The following ADAMTSL1 variants were observed in gnomAD, a reference collection of about 807,000 sequenced individuals.
The protein encoded by ADAMTSL1 is ADAMTS-like protein 1.
ADAMTSL1 carries 126 observed loss-of-function variants against 201.8 expected under a neutral mutation model. The observed-to-expected ratio is 0.62, with a 90% CI of 0.54 to 0.72. ADAMTSL1 has a LOEUF of 0.72. Ranked by LOEUF, ADAMTSL1 falls within the 30% of genes least tolerant of loss-of-function variation. The pLI, the probability that ADAMTSL1 is intolerant of heterozygous loss-of-function variation, is 0.00. For missense variants in ADAMTSL1, 2,679 were observed against 2,277.8 expected, an observed-to-expected ratio of 1.18 and a Z score of -3.59; for synonymous variants, 1,121 against 903.4, an observed-to-expected ratio of 1.24 and a Z score of -4.32.
At chr9:18,129,003 A>T (rs1825847315) in intron 1 of ADAMTSL1, among the ~76,000 whole-genome samples, 1 of 152,242 alleles carries the variant, frequency 6.6e-6, no homozygotes, top group South Asian at 2.1e-4. Context: ...AGACTGTAAT[A>T]CATTAAAATT....
intron 3 of ADAMTSL1, among the ~76,000 whole-genome samples, 154 bp downstream of exon 3, chr9:18,533,446 T>C (rs796513740): frequency 1.3e-5 from 2 of 152,196 alleles, no homozygotes; most frequent in African/African-American, 4.8e-5. Flanking sequence ...ACTAAAATGA[T>C]ATTTTTAAGT....
At chr9:18,092,572 T>C (rs187582383) in intron 1 of ADAMTSL1, among the ~76,000 whole-genome samples, 8 of 152,246 alleles carry the variant, frequency 5.3e-5, no homozygotes, top group Non-Finnish European at 8.8e-5. Flanking sequence ...AGGAATAAGC[T>C]CTTGTGCCTG....
At chr9:18,717,457 G>A (rs1833021932) in intron 14 of ADAMTSL1, among the ~76,000 whole-genome samples, 1 of 151,860 alleles carries the variant, frequency 6.6e-6, no homozygotes, top group African/African-American at 2.4e-5. Context: ...ATTAATTAGA[G>A]CACTTATTTT....
In ADAMTSL1 at chr9:18,354,231, A is replaced by T. The variant is rs186416353; in HGVS notation, c.208-150598A>T. 9.1e-4 allele frequency among the ~76,000 whole-genome samples: 138 copies of T among 151,944 alleles called. 1 individual carries two copies. The highest frequency in any genetic ancestry group is 2.7e-3 in the African/African-American group (114 of 41,506). Reference sequence around the variant, plus strand: ...GTGCTCCCTTGTATAAATGTACCATAATTTAATTAACTAGTCATTTATTGA... The same window carrying T: ...GTGCTCCCTTGTATAAATGTACCATTATTTAATTAACTAGTCATTTATTGA... On this transcript the variant is annotated intron_variant, in intron 2 of 29. Coordinates refer to the ADAMTSL1 transcript ENST00000680146.
chr9:18,525,659 G>A (rs1818991128), intron 2 of ADAMTSL1, among the ~76,000 whole-genome samples: 2 of 152,108 alleles, frequency 1.3e-5, no homozygotes, highest in Admixed American at 1.3e-4. Context: ...GTTCTCACTG[G>A]TTTCAAAGAA....
intron 14 of ADAMTSL1, among the ~76,000 whole-genome samples, chr9:18,719,027 C>G (rs111376215): frequency 0.014 from 2,191 of 152,258 alleles, 15 homozygotes; most frequent in Middle Eastern, 0.031. Context: ...TCATCACTAC[C>G]TTAATAATAC....
chr9:18,908,387 C>G (rs1235521707), intron 28 of ADAMTSL1, 55 bp from the exon 29 acceptor site: 3 of 1,445,554 alleles, frequency 2.1e-6, no homozygotes, highest in Non-Finnish European at 2.8e-6. Flanking sequence ...GTTCATTAGT[C>G]TCTGTTTCAC....
In ADAMTSL1 at chr9:18,556,791, C is replaced by G. The variant is rs374899895; in HGVS notation, c.238-17239C>G. 3.3e-5 allele frequency among the ~76,000 whole-genome samples: 5 copies of G among 152,036 alleles called. No individual in the cohort carries two copies. The East Asian group carries it at 7.7e-4, about 24-fold the overall frequency. ...GTTTGATTAGACTCATATGTTAAGC[C>G]ATTCATATGTCACTTTAATTAAAAT... On this transcript the variant is annotated intron_variant, in intron 3 of 28. Transcript: ENST00000380548.
chr9:18,613,640 C>T (rs989867487), intron 4 of ADAMTSL1, among the ~76,000 whole-genome samples: 2 of 151,976 alleles, frequency 1.3e-5, no homozygotes, highest in Non-Finnish European at 2.9e-5. Context: ...CAAACAAAAA[C>T]AAATACTGCA....
intron 2 of ADAMTSL1, among the ~76,000 whole-genome samples, chr9:18,208,758 C>A (rs1276388906): frequency 6.6e-6 from 1 of 152,074 alleles, no homozygotes; most frequent in East Asian, 1.9e-4. Flanking sequence ...AAGAAAATAT[C>A]ATAATAATAT....
intron 1 of ADAMTSL1, among the ~76,000 whole-genome samples, chr9:18,055,628 G>A (rs1210548315): frequency 6.6e-6 from 1 of 152,236 alleles, no homozygotes; most frequent in East Asian, 1.9e-4. Context: ...ACCACGAGGA[G>A]TCGTAAGCAC....
At chr9:18,723,189 C>G in intron 15 of ADAMTSL1, 1 of 701,382 alleles carries the variant, frequency 1.4e-6, no homozygotes, top group Non-Finnish European at 2.6e-6. Context: ...ATCTGAGATC[C>G]CATGACTTGC....
chr9:18,009,433 G>A (rs1347109549), intron 1 of ADAMTSL1, among the ~76,000 whole-genome samples: 1 of 152,032 alleles, frequency 6.6e-6, no homozygotes, highest in Non-Finnish European at 1.5e-5. Flanking sequence ...TAAGTCTCCT[G>A]TCTTATTCAC....
chr9:18,748,676 A>T (rs1356625395), intron 15 of ADAMTSL1, among the ~76,000 whole-genome samples: 1 of 152,216 alleles, frequency 6.6e-6, no homozygotes, highest in Non-Finnish European at 1.5e-5. Flanking sequence ...AGAAGTGCAC[A>T]CACAGTTCAC....
intron 2 of ADAMTSL1, among the ~76,000 whole-genome samples, chr9:18,310,547 A>G (rs946995394): frequency 6.6e-6 from 1 of 152,114 alleles, no homozygotes; most frequent in Non-Finnish European, 1.5e-5. Context: ...GGCAAAGGAT[A>G]TGAACAGACA....
At chr9:18,838,992 G>T (rs1416255916) in intron 23 of ADAMTSL1, among the ~76,000 whole-genome samples, 2 of 148,716 alleles carry the variant, frequency 1.3e-5, no homozygotes, top group Non-Finnish European at 3.0e-5. Context: ...CATACATTTG[G>T]CCCACCCCCT....
intron 15 of ADAMTSL1, among the ~76,000 whole-genome samples, chr9:18,748,173 T>C (rs1819253457): frequency 2.0e-5 from 3 of 152,102 alleles, no homozygotes; most frequent in Admixed American, 2.0e-4. Flanking sequence ...GAAAGCAGTA[T>C]AGTAAAAGAA....
intron 2 of ADAMTSL1, among the ~76,000 whole-genome samples, chr9:18,305,707 T>C (rs1833882636): frequency 6.6e-6 from 1 of 152,214 alleles, no homozygotes; most frequent in South Asian, 2.1e-4. Flanking sequence ...GCAGCCGCAG[T>C]CAGGGGCTTA....
intron 1 of ADAMTSL1, among the ~76,000 whole-genome samples, chr9:18,101,280 G>A (rs1364238027): frequency 1.3e-5 from 2 of 152,040 alleles, no homozygotes; most frequent in South Asian, 2.1e-4. Context: ...GGCAGATCAC[G>A]AGGTCAGGAG....
Sources: allele counts gnomAD v4.1 joint callset (sites outside exome capture counted in the v4.1 genomes callset), GRCh38; gene constraint gnomAD v4.1.1; transcripts MANE v1.5; gene names NCBI Gene and HGNC (gene_info 2026-07-23, HGNC 2026-07-21).